TCF4: variants seen among roughly 807,000 people sequenced by gnomAD.
The protein encoded by TCF4 is transcription factor 4.
A neutral mutation model predicts 82.1 loss-of-function variants in TCF4; 3 were observed. The ratio of observed to expected loss-of-function variants is 0.04; its 90% CI spans 0.02 to 0.09. TCF4 has a LOEUF of 0.09. TCF4 is among the 10% of genes least tolerant of loss of function. TCF4 has a pLI of 1.00. For synonymous variants in TCF4, 276 were observed against 309.6 expected, an observed-to-expected ratio of 0.89 and a Z score of 1.14; for missense variants, 518 against 852.7, an observed-to-expected ratio of 0.61 and a Z score of 4.89.
intron 3 of TCF4, among the ~76,000 whole-genome samples, chr18:55,528,936 G>C (rs986559881): frequency 7.9e-5 from 12 of 152,038 alleles, no homozygotes; most frequent in African/African-American, 1.7e-4. Context: ...CCAGTACTTC[G>C]GGAGGCCAAG....
At chr18:55,335,047 C>T (rs529816882) in intron 8 of TCF4, among the ~76,000 whole-genome samples, 5 of 152,306 alleles carry the variant, frequency 3.3e-5, no homozygotes, top group Admixed American at 6.5e-5. Context: ...TGCTCTGTGA[C>T]GCTCTTGCTG....
chr18:55,323,215 A>T (rs2076007604), intron 8 of TCF4, among the ~76,000 whole-genome samples: 1 of 152,190 alleles, frequency 6.6e-6, no homozygotes, highest in Admixed American at 6.5e-5. Context: ...GCATCACAGG[A>T]AAGGAGGGCC....
At position 55,254,500 on chromosome 18, in the gene TCF4, G is replaced by A; in HGVS notation, c.1347C>T (p.Leu449=). The A allele has an allele frequency of 1.2e-6, 2 of 1,613,324 alleles. No homozygotes were observed. Among genetic ancestry groups the A allele is most frequent in the Non-Finnish European group, 1.7e-6 (2 of 1,179,576 alleles). The change falls in exon 15 of 20, where the codon CTC becomes CTT. Residue 449 remains leucine, a synonymous_variant. Coordinates refer to ENST00000354452, the MANE Select transcript of TCF4 (RefSeq NM_001083962.2). The part of the protein sequence containing the change: ...TGLLSANRHS[L]MVGTHREDGV... ...GTCTATAAATTTCATCACTTACCAT[G>A]AGTGAATGTCTGTTGGCTGAAAGAA...
rs555190631 is a variant in TCF4 at position 55,237,776 on chromosome 18, T to G, written c.1351-3093A>C. 3.3e-4 allele frequency among the ~76,000 whole-genome samples: 50 copies of G among 152,324 alleles called. 1 individual carries two copies. Among genetic ancestry groups the G allele is most frequent in the African/African-American group, 1.2e-3 (49 of 41,568 alleles). On this transcript the variant is annotated intron_variant, in intron 15 of 19. Transcript: ENST00000354452. Reference sequence around the variant, plus strand: ...ATTGCCTGTGGCTGTGGAAGAGTATTCCAATTTGAATAATTGGCTTGGCTT... The same window carrying G: ...ATTGCCTGTGGCTGTGGAAGAGTATGCCAATTTGAATAATTGGCTTGGCTT...
chr18:55,580,817 TA>T (rs1391031548), intron 3 of TCF4, among the ~76,000 whole-genome samples: 8 of 151,416 alleles, frequency 5.3e-5, no homozygotes. Context: ...AACCTGAGGT[TA>T]AAACCTAATT....
At chr18:55,322,416 G>C in intron 8 of TCF4, 1 of 993,626 alleles carries the variant, frequency 1.0e-6, no homozygotes, top group Non-Finnish European at 1.2e-6. Context: ...GGAGGGAAAG[G>C]GGAGGGAAGA....
chr18:55,553,011 G>A (rs777064242), intron 3 of TCF4, among the ~76,000 whole-genome samples: 4 of 152,132 alleles, frequency 2.6e-5, no homozygotes, highest in Admixed American at 6.5e-5. Context: ...CACAGAGGGA[G>A]AAAAAGCACA....
chr18:55,555,646 A>G (rs1038782777), intron 3 of TCF4, among the ~76,000 whole-genome samples: 1 of 152,196 alleles, frequency 6.6e-6, no homozygotes, highest in Non-Finnish European at 1.5e-5. Flanking sequence ...AACTGTTGTT[A>G]TCCAATTCCT....
intron 4 of TCF4, among the ~76,000 whole-genome samples, chr18:55,463,174 TG>T (rs1227200913): frequency 6.6e-6 from 1 of 152,206 alleles, no homozygotes; most frequent in Non-Finnish European, 1.5e-5. Flanking sequence ...TCTGGGGCAT[TG>T]TATGTACATC....
intron 5 of TCF4, among the ~76,000 whole-genome samples, chr18:55,443,492 G>A (rs1262143378): frequency 6.6e-6 from 1 of 152,160 alleles, no homozygotes; most frequent in African/African-American, 2.4e-5. Flanking sequence ...TTAAAATTAG[G>A]TGTAGGTAAA....
At chr18:55,586,174 CAGCAGCAGCAGCAGCAG>C (rs2097647788) in intron 2 of TCF4, 2 of 451,178 alleles carry the variant, frequency 4.4e-6, no homozygotes, top group African/African-American at 5.2e-5. Context: ...GCAGCAGCAG[CAGCAGCAGCAGCAGCAG>C]CAGCAGCAGC....
chr18:55,581,245 T>C (rs2097572705), intron 3 of TCF4, among the ~76,000 whole-genome samples: 2 of 152,036 alleles, frequency 1.3e-5, no homozygotes, highest in African/African-American at 4.8e-5. Context: ...AATAAAGGAT[T>C]TGCAGGGCCA....
upstream of TCF4, among the ~76,000 whole-genome samples, chr18:55,590,509 C>T (rs552756821): frequency 6.6e-6 from 1 of 152,380 alleles, no homozygotes; most frequent in Non-Finnish European, 1.5e-5. Flanking sequence ...CAGTTACCTT[C>T]TGTAGCCTGT....
At chr18:55,631,977 T>C (rs984445037) in intron 1 of TCF4, among the ~76,000 whole-genome samples, 2 of 152,216 alleles carry the variant, frequency 1.3e-5, no homozygotes, top group South Asian at 2.1e-4. Flanking sequence ...CTGCAGTTCC[T>C]TCCATGCCTC....
intron 3 of TCF4, among the ~76,000 whole-genome samples, chr18:55,512,935 C>T (rs770780917): frequency 1.3e-5 from 2 of 152,088 alleles, no homozygotes; most frequent in South Asian, 4.1e-4. Context: ...AGGCAGGATA[C>T]TGAGCAAATA....
intron 3 of TCF4, among the ~76,000 whole-genome samples, chr18:55,561,044 A>C (rs1434780861): frequency 1.3e-5 from 2 of 152,224 alleles, no homozygotes; most frequent in Non-Finnish European, 2.9e-5. Context: ...ACCTGTCTTC[A>C]TGACTCCAGT....
chr18:55,285,519 T>C (rs1297488959), intron 8 of TCF4, among the ~76,000 whole-genome samples: 1 of 152,240 alleles, frequency 6.6e-6, no homozygotes, highest in Non-Finnish European at 1.5e-5. Flanking sequence ...TGTAGTTATT[T>C]GAATTAAACT....
At chr18:55,515,359 G>A (rs373364232) in intron 3 of TCF4, among the ~76,000 whole-genome samples, 39 of 152,272 alleles carry the variant, frequency 2.6e-4, no homozygotes, top group African/African-American at 8.2e-4. Flanking sequence ...ACTGAACTAC[G>A]TGCAGACACA....
chr18:55,391,974 T>TC, intron 6 of TCF4, among the ~76,000 whole-genome samples: 1 of 100,244 alleles, frequency 1.0e-5, no homozygotes, highest in African/African-American at 4.0e-5. Flanking sequence ...TTTTTTTTTT[T>TC]TTTTTTTGAG....
Sources: gnomAD v4.1 joint callset for allele counts (sites outside exome capture counted in the v4.1 genomes callset) on GRCh38, gnomAD v4.1.1 for gene constraint, MANE v1.5 for transcripts, NCBI Gene and HGNC (gene_info 2026-07-23, HGNC 2026-07-21) for gene names.